Variants in DSCAML1 observed in about 807,000 individuals in gnomAD.
DSCAML1 encodes the protein DS cell adhesion molecule like 1, also known as cell adhesion molecule DSCAML1.
Under a neutral mutation model 200.5 loss-of-function variants are expected in DSCAML1, and 38 were observed. The observed-to-expected ratio is 0.19, with a 90% confidence interval of 0.15 to 0.25. The LOEUF is 0.25. Among genes scored for constraint, DSCAML1 ranks in the 10% least tolerant of loss-of-function variants. DSCAML1 has a pLI of 1.00. For synonymous variants in DSCAML1, 1,215 were observed against 1,165.0 expected, an observed-to-expected ratio of 1.04 and a Z score of -0.87; for missense variants, 2,223 against 2,858.8, an observed-to-expected ratio of 0.78 and a Z score of 5.07.
At position 117,726,272 on chromosome 11, in the gene DSCAML1, T is replaced by C. The variant is rs941265994; in HGVS notation, c.511+50519A>G. 1.0e-3 allele frequency among the ~76,000 whole-genome samples: 152 copies of C among 149,488 alleles called. 1 individual carries two copies. Among genetic ancestry groups the C allele is most frequent in the African/African-American group, 2.7e-3 (105 of 39,198 alleles). On this transcript the variant is annotated intron_variant, in intron 3 of 32. Coordinates refer to ENST00000651296, the MANE Select transcript of DSCAML1 (RefSeq NM_020693.4). ...ATCTCTGTGTGTGTGTGTGCGTGTG[T>C]GTGTGTGTGTGTGTGTGTGTATGTG...
rs138165403 is a variant in DSCAML1, at chr11:117,598,596, A to G, written c.512-66074T>C. 1.7e-3 allele frequency among the ~76,000 whole-genome samples: 254 copies of G among 152,302 alleles called. 1 individual carries two copies. The highest frequency in any genetic ancestry group is 5.9e-3 in the African/African-American group (246 of 41,550). ...GGAATCTTCATCTTTGCCTTCATTC[A>G]GAGACTGATCTAACTGATCTCTTTT... On this transcript the variant is annotated intron_variant, in intron 3 of 32. Transcript: ENST00000651296.
intron 27 of DSCAML1, among the ~76,000 whole-genome samples, chr11:117,434,389 T>A (rs116315125): frequency 6.6e-6 from 1 of 152,162 alleles, no homozygotes; most frequent in Admixed American, 6.5e-5. Context: ...ATTCTTATAT[T>A]TATATGTTAA....
At chr11:117,428,919 C>T in intron 32 of DSCAML1, 116 bp from the exon 33 acceptor site, 1 of 978,042 alleles carries the variant, frequency 1.0e-6, no homozygotes, top group Non-Finnish European at 1.5e-6. Context: ...CATAGGGGCC[C>T]CTCCACTGGG....
chr11:117,731,328 T>C (rs2054215488), intron 3 of DSCAML1, among the ~76,000 whole-genome samples: 1 of 152,174 alleles, frequency 6.6e-6, no homozygotes, highest in Admixed American at 6.5e-5. Flanking sequence ...GGGGAGATAC[T>C]GCTTTCCCAC....
At chr11:117,746,131 A>G (rs2054513873) in intron 3 of DSCAML1, among the ~76,000 whole-genome samples, 1 of 148,282 alleles carries the variant, frequency 6.7e-6, no homozygotes, top group African/African-American at 2.5e-5. Context: ...CTGAGGCAGG[A>G]GAATGGCGTG....
In DSCAML1 at chr11:117,461,505, G is replaced by A. The variant is rs751103109; in HGVS notation, c.3357C>T (p.Leu1119=). The A allele has an allele frequency of 6.2e-7, 1 of 1,614,230 alleles. No homozygotes were observed. The highest frequency in any genetic ancestry group is 8.5e-7 in the Non-Finnish European group (1 of 1,180,042). The change falls in exon 18 of 33, where the codon CTC becomes CTT. Residue 1119 remains leucine, a synonymous_variant. Transcript: ENST00000651296. ...ISWSEPPRST[L]NGVLKGYRVI... is the part of the protein sequence containing the mutation. ...CCCGATAGCCTTTGAGGACGCCATT[G>A]AGGGTGCTGCGCGGGGGCTCTGACC... is the stretch of plus-strand genomic sequence containing the variant.
chr11:117,687,933 G>A (rs1361927207), intron 3 of DSCAML1, among the ~76,000 whole-genome samples: 3 of 152,168 alleles, frequency 2.0e-5, no homozygotes, highest in African/African-American at 7.2e-5. Context: ...CGTGGTCCAA[G>A]TAACAAGGAT....
chr11:117,683,888 C>A (rs577660466), intron 3 of DSCAML1, among the ~76,000 whole-genome samples: 1 of 152,202 alleles, frequency 6.6e-6, no homozygotes, highest in Non-Finnish European at 1.5e-5. Context: ...TCATCACCCC[C>A]ACCCAGGGTC....
chr11:117,811,075 T>C (rs183659802), intron 1 of DSCAML1, among the ~76,000 whole-genome samples: 217 of 152,232 alleles, frequency 1.4e-3, no homozygotes, highest in Non-Finnish European at 1.7e-3. Flanking sequence ...AGTTTCGTTC[T>C]GTGACTAGCC....
intron 3 of DSCAML1, among the ~76,000 whole-genome samples, chr11:117,739,351 C>T (rs1461243338): frequency 6.6e-6 from 1 of 152,204 alleles, no homozygotes; most frequent in Non-Finnish European, 1.5e-5. Context: ...CTCAAACCTA[C>T]TCAATCGGAA....
intron 3 of DSCAML1, among the ~76,000 whole-genome samples, chr11:117,597,855 A>G (rs749938872): frequency 1.3e-5 from 2 of 152,084 alleles, no homozygotes; most frequent in Non-Finnish European, 2.9e-5. Flanking sequence ...CAACTTCAGA[A>G]TCATCCAGAA....
intron 3 of DSCAML1, among the ~76,000 whole-genome samples, chr11:117,711,280 T>C (rs2053844500): frequency 6.6e-6 from 1 of 152,142 alleles, no homozygotes; most frequent in Non-Finnish European, 1.5e-5. Flanking sequence ...GGAGTTAAGA[T>C]GTGAGCACCA....
At chr11:117,638,388 T>C (rs2052335692) in intron 3 of DSCAML1, among the ~76,000 whole-genome samples, 1 of 150,808 alleles carries the variant, frequency 6.6e-6, no homozygotes, top group Non-Finnish European at 1.5e-5. Flanking sequence ...TGTTGAGATA[T>C]CATTCACAGA....
intron 3 of DSCAML1, among the ~76,000 whole-genome samples, chr11:117,547,856 C>A (rs1482828417): frequency 6.6e-6 from 1 of 152,182 alleles, no homozygotes; most frequent in Non-Finnish European, 1.5e-5. Flanking sequence ...CACAGTCATG[C>A]CCCTGACCTC....
At chr11:117,681,311 C>T (rs1486226426) in intron 3 of DSCAML1, among the ~76,000 whole-genome samples, 2 of 152,224 alleles carry the variant, frequency 1.3e-5, no homozygotes, top group Non-Finnish European at 2.9e-5. Context: ...GAATCTCCAG[C>T]CCCTCCTGGG....
intron 3 of DSCAML1, among the ~76,000 whole-genome samples, chr11:117,767,472 G>A (rs768358916): frequency 7.8e-4 from 118 of 152,248 alleles, no homozygotes; most frequent in African/African-American, 2.6e-3. Flanking sequence ...TGCTGCCTCC[G>A]AGTGCTTTCT....
intron 3 of DSCAML1, among the ~76,000 whole-genome samples, chr11:117,592,965 C>T (rs929139885): frequency 1.3e-5 from 2 of 152,244 alleles, no homozygotes; most frequent in African/African-American, 4.8e-5. Flanking sequence ...CCCCCAGGCT[C>T]AGTATCCTCT....
chr11:117,783,813 C>G (rs1258085220), intron 1 of DSCAML1, among the ~76,000 whole-genome samples: 2 of 152,086 alleles, frequency 1.3e-5, no homozygotes, highest in Non-Finnish European at 2.9e-5. Context: ...GGTACTTTTC[C>G]CAACCCTTCC....
intron 3 of DSCAML1, among the ~76,000 whole-genome samples, chr11:117,584,081 G>C (rs1414066396): frequency 2.0e-5 from 3 of 151,500 alleles, no homozygotes; most frequent in Non-Finnish European, 4.4e-5. Flanking sequence ...CTACCCCCCT[G>C]TGCAATATTA....
Sources: gnomAD v4.1 joint callset for allele counts (sites outside exome capture counted in the v4.1 genomes callset) on GRCh38, gnomAD v4.1.1 for gene constraint, MANE v1.5 for transcripts, NCBI Gene and HGNC (gene_info 2026-07-23, HGNC 2026-07-21) for gene names.